KAZN: variants seen among roughly 807,000 people sequenced by gnomAD.
KAZN encodes the protein kazrin, periplakin interacting protein.
In KAZN, 40 loss-of-function variants were observed where a neutral mutation model predicts 87.4. The observed-to-expected ratio is 0.46, with a 90% CI of 0.36 to 0.60. KAZN has a LOEUF of 0.60. Among genes scored for constraint, KAZN ranks in the 20% least tolerant of loss-of-function variants. The pLI is 0.00. For missense variants in KAZN, 898 were observed against 1,073.9 expected (o/e 0.84, Z 2.29); for synonymous variants, 466 against 458.3 (o/e 1.02, Z -0.22).
At chr1:14,260,750 A>G (rs891487607) in intron 2 of KAZN, among the ~76,000 whole-genome samples, 2 of 152,172 alleles carry the variant, frequency 1.3e-5, no homozygotes, top group East Asian at 3.9e-4. Flanking sequence ...TTTCTGCACT[A>G]TGTATATAGT....
At chr1:14,368,575 A>G (rs529284294) in intron 2 of KAZN, among the ~76,000 whole-genome samples, 5 of 152,308 alleles carry the variant, frequency 3.3e-5, no homozygotes, top group African/African-American at 9.6e-5. Flanking sequence ...GATAGCTCAG[A>G]TGCAGAATGT....
chr1:14,692,847 C>T (rs1038554106), intron 1 of KAZN, among the ~76,000 whole-genome samples: 1 of 152,174 alleles, frequency 6.6e-6, no homozygotes, highest in African/African-American at 2.4e-5. Flanking sequence ...GCATGAGAAT[C>T]GCTTGAATCT....
intron 2 of KAZN, among the ~76,000 whole-genome samples, chr1:14,570,594 G>T (rs1386287857): frequency 1.3e-5 from 2 of 152,110 alleles, no homozygotes; most frequent in Non-Finnish European, 2.9e-5. Flanking sequence ...AGTAGTCCGT[G>T]GTATTGCTAG....
At chr1:14,413,881 G>A (rs1432061687) in intron 2 of KAZN, among the ~76,000 whole-genome samples, 2 of 152,170 alleles carry the variant, frequency 1.3e-5, no homozygotes, top group Non-Finnish European at 2.9e-5. Context: ...GGAAGGTAAA[G>A]GGTATACATT....
At chr1:14,358,125 A>G (rs1457516660) in intron 2 of KAZN, among the ~76,000 whole-genome samples, 2 of 152,088 alleles carry the variant, frequency 1.3e-5, no homozygotes, top group Non-Finnish European at 2.9e-5. Context: ...CAGGGATTCA[A>G]CTTGTTCCTA....
At chr1:14,686,671 CG>C (rs1338548216) in intron 1 of KAZN, among the ~76,000 whole-genome samples, 3 of 152,220 alleles carry the variant, frequency 2.0e-5, no homozygotes, top group Non-Finnish European at 2.9e-5. Context: ...TGCCTAATAT[CG>C]GGTGTAGCGG....
chr1:14,432,508 T>A (rs755669231), intron 2 of KAZN, among the ~76,000 whole-genome samples: 3 of 152,224 alleles, frequency 2.0e-5, no homozygotes, highest in Non-Finnish European at 4.4e-5. Flanking sequence ...TGTCCTTTAG[T>A]ACTTGACGAA....
At chr1:14,471,230 G>A (rs1219533375) in intron 2 of KAZN, among the ~76,000 whole-genome samples, 2 of 152,154 alleles carry the variant, frequency 1.3e-5, no homozygotes, top group Non-Finnish European at 2.9e-5. Context: ...AATAGCTAAT[G>A]AATACGGCTG....
intron 2 of KAZN, among the ~76,000 whole-genome samples, chr1:14,436,685 T>G (rs1571643202): frequency 7.6e-6 from 1 of 131,674 alleles, no homozygotes; most frequent in Non-Finnish European, 1.5e-5. Context: ...ACCACTGCAC[T>G]CCAGCCTGGG....
At chr1:15,032,506 T>C (rs1382024433) in intron 2 of KAZN, among the ~76,000 whole-genome samples, 1 of 152,058 alleles carries the variant, frequency 6.6e-6, no homozygotes, top group African/African-American at 2.4e-5. Flanking sequence ...ACATTTCATA[T>C]AAATTGAATC....
chr1:14,130,299 C>T (rs551963917), intron 1 of KAZN, among the ~76,000 whole-genome samples: 1 of 152,304 alleles, frequency 6.6e-6, no homozygotes, highest in Non-Finnish European at 1.5e-5. Flanking sequence ...GGGGACTTCA[C>T]TCCCATCTGT....
intron 1 of KAZN, among the ~76,000 whole-genome samples, chr1:14,107,364 TTTGTTTG>T (rs1176903754): frequency 9.6e-6 from 1 of 103,680 alleles, no homozygotes. Context: ...AAGATGGTTT[TTTGTTTG>T]TTTGTTTGTT....
chr1:14,942,636 C>T (rs569605315), intron 1 of KAZN, among the ~76,000 whole-genome samples: 2 of 152,204 alleles, frequency 1.3e-5, no homozygotes, highest in African/African-American at 2.4e-5. Flanking sequence ...CATGAAAGCA[C>T]CTCTGGCCAG....
At chr1:14,648,667 A>G (rs1459666681) in intron 1 of KAZN, among the ~76,000 whole-genome samples, 1 of 152,210 alleles carries the variant, frequency 6.6e-6, no homozygotes, top group Non-Finnish European at 1.5e-5. Flanking sequence ...GTTGACCATT[A>G]GACACAAGGA....
chr1:14,536,620 G>A (rs1672518199), intron 2 of KAZN, among the ~76,000 whole-genome samples: 1 of 152,108 alleles, frequency 6.6e-6, no homozygotes, highest in Non-Finnish European at 1.5e-5. Context: ...GGTGGCTCAC[G>A]CCTGTAATCC....
intron 1 of KAZN, among the ~76,000 whole-genome samples, chr1:14,019,068 C>T (rs189514334): frequency 1.9e-4 from 29 of 152,296 alleles, no homozygotes; most frequent in Admixed American, 1.7e-3. Flanking sequence ...CTTTCAAAAG[C>T]TCTTTCTAAT....
chr1:15,103,981 A>G lies in KAZN; in HGVS notation c.1882-42A>G, dbSNP rs375908079. The G allele has an allele frequency of 5.7e-6, 9 of 1,592,416 alleles. No homozygotes were observed. In the African/African-American group the frequency reaches 1.1e-4, roughly 19 times the overall value. On this transcript the variant is annotated intron_variant, in intron 12 of 14. Coordinates refer to ENST00000376030, the MANE Select transcript of KAZN (RefSeq NM_201628.3). Reference sequence around the variant, plus strand: ...ACTGGGGCCCCCTTAGGCCAGCAGCATGGCCCCTGCAGGCTAACAAGTCCC... The same window carrying G: ...ACTGGGGCCCCCTTAGGCCAGCAGCGTGGCCCCTGCAGGCTAACAAGTCCC...
rs576498226 is a variant in KAZN, at chr1:13,967,470, G to A, written c.91+73714G>A. Among the ~76,000 whole-genome samples, 179 of 152,216 alleles carry A rather than the reference G, an allele frequency of 1.2e-3. 6 individuals are homozygous for A. The highest frequency in any genetic ancestry group is 9.4e-4 in the African/African-American group (39 of 41,436). On this transcript the variant is annotated intron_variant, in intron 1 of 16. Transcript: ENST00000636203. ...TCAGTGGTGGCCAGCATCCAGCAGT[G>A]TAGGCATGGAGACAGTGTGGCCTGG...
At chr1:14,088,557 G>T (rs140379684) in intron 1 of KAZN, among the ~76,000 whole-genome samples, 12 of 151,948 alleles carry the variant, frequency 7.9e-5, no homozygotes, top group African/African-American at 2.4e-4. Flanking sequence ...TCCAGAATAC[G>T]ATCTATTTTG....
Sources: allele counts gnomAD v4.1 joint callset (sites outside exome capture counted in the v4.1 genomes callset), GRCh38; gene constraint gnomAD v4.1.1; transcripts MANE v1.5; gene names NCBI Gene and HGNC (gene_info 2026-07-23, HGNC 2026-07-21).